The following TK1 variants were observed in gnomAD, a reference collection of about 807,000 sequenced individuals.
TK1 encodes the protein thymidine kinase 1, also known as thymidine kinase, cytosolic.
Under a neutral mutation model 22.4 loss-of-function variants are expected in TK1, and 13 were observed. The observed-to-expected ratio is 0.58, with a 90% CI of 0.38 to 0.92. The LOEUF is 0.92. Ranked by LOEUF, TK1 falls within the 40% of genes least tolerant of loss-of-function variation. The pLI is 0.00. For synonymous variants in TK1, 134 were observed against 125.4 expected (o/e 1.07, Z -0.46); for missense variants, 251 against 315.7 (o/e 0.80, Z 1.55).
At chr17:78,187,063 G>T (rs772481646), upstream of TK1, 5 of 1,513,754 alleles carry the variant, frequency 3.3e-6, no homozygotes, top group East Asian at 2.4e-5. Context: ...CCTGGTTCCC[G>T]CGCCGACCGC....
At chr17:78,185,742 G>A (rs2075782341) in intron 2 of TK1, among the ~76,000 whole-genome samples, 1 of 152,022 alleles carries the variant, frequency 6.6e-6, no homozygotes, top group Admixed American at 6.6e-5. Context: ...GTTGACCAGG[G>A]TGGTCTCAAA....
intron 4 of TK1, among the ~76,000 whole-genome samples, chr17:78,181,842 T>C (rs2075740159): frequency 1.3e-5 from 2 of 151,660 alleles, no homozygotes; most frequent in Admixed American, 1.3e-4. Flanking sequence ...CACTGCAGCC[T>C]CGACCTCCCA....
chr17:78,180,685 G>T (rs1234748555), intron 4 of TK1, among the ~76,000 whole-genome samples: 2 of 152,194 alleles, frequency 1.3e-5, no homozygotes, highest in Non-Finnish European at 2.9e-5. Context: ...TGTAAAAATA[G>T]TCACTGAAAC....
rs557558039 is a variant in TK1 at position 78,186,444 on chromosome 17, G to C, written c.98+343C>G. Among the ~76,000 whole-genome samples, 7 of 152,092 alleles carry C rather than the reference G, an allele frequency of 4.6e-5. No homozygotes were observed. The South Asian group carries it at 1.5e-3, about 32-fold the overall frequency. ...GAATAGGGGTGTACAAAAAGGCCTG[G>C]CCTACAGGGGACACAACTGGTTGCC... On this transcript the variant is annotated intron_variant, in intron 2 of 6. Transcript: ENST00000301634.
At chr17:78,175,751 A>AGGCTCCCCAGGCCG in intron 4 of TK1, 133 bp from the exon 5 acceptor site, 2 of 716,694 alleles carry the variant, frequency 2.8e-6, no homozygotes, top group Non-Finnish European at 4.5e-6. Flanking sequence ...TTCTCCCACG[A>AGGCTCCCCAGGCCG]GGCTCCCCAG....
chr17:78,185,043 G>A lies in TK1; in HGVS notation c.209+12C>T, dbSNP rs1331823212. On this transcript the variant is annotated intron_variant, in intron 3 of 6. Coordinates refer to ENST00000301634, the MANE Select transcript of TK1 (RefSeq NM_003258.5). ...TTTCCACTGGACAGGACTGCAGGGG[G>A]CAGGGACTGACCGGTCATGTGTGCA... 2.1e-5 allele frequency: 33 copies of A among 1,609,310 alleles called. No homozygotes were observed. Among genetic ancestry groups the A allele is most frequent in the Non-Finnish European group, 2.6e-5 (31 of 1,176,220 alleles).
In TK1 at chr17:78,175,589, G is replaced by A; in HGVS notation, c.333C>T (p.Ala111=). The part of the protein sequence containing the change: ...FFPDIVEFCE[A]MANAGKTVIV... The stretch of plus-strand genomic sequence containing the variant: ...TTACGGTCTTCCCGGCGTTGGCCAT[G>A]GCCTCGCAGAACTCCACGATGTCAG... Residue 111 remains alanine (A), a synonymous_variant, in exon 5 of 7, where the codon GCC becomes GCT. Transcript: ENST00000301634. 6.2e-7 allele frequency: 1 copy of A among 1,613,708 alleles called. No homozygotes were observed. Among genetic ancestry groups the A allele is most frequent in the Non-Finnish European group, 8.5e-7 (1 of 1,179,842 alleles).
chr17:78,181,957 A>G (rs1340876602), intron 4 of TK1, among the ~76,000 whole-genome samples: 1 of 151,020 alleles, frequency 6.6e-6, no homozygotes, highest in African/African-American at 2.4e-5. Flanking sequence ...GGGTTTTACT[A>G]TGTTGCCCAG....
chr17:78,176,870 A>G (rs1487615947), intron 4 of TK1, among the ~76,000 whole-genome samples: 1 of 152,008 alleles, frequency 6.6e-6, no homozygotes, highest in African/African-American at 2.4e-5. Context: ...CCCAGCTGCG[A>G]CAAAATTGTT....
intron 4 of TK1, among the ~76,000 whole-genome samples, chr17:78,182,101 T>TGGTA (rs910497349): frequency 3.3e-5 from 5 of 151,930 alleles, no homozygotes; most frequent in Non-Finnish European, 7.4e-5. Context: ...TGGCCAGGTG[T>TGGTA]GGTAGCTCAT....
chr17:78,179,789 G>A (rs901429597), intron 4 of TK1: 1 of 981,324 alleles, frequency 1.0e-6, no homozygotes, highest in Non-Finnish European at 1.2e-6. Flanking sequence ...ACTAAGTGTG[G>A]CCAGGCGTGG....
chr17:78,174,590 G>A lies in TK1; in HGVS notation c.*169C>T. 1.4e-6 allele frequency: 1 copy of A among 715,218 alleles called. No homozygotes were observed. Among genetic ancestry groups the A allele is most frequent in the Non-Finnish European group, 2.3e-6 (1 of 442,362 alleles). 44.3% of individuals were successfully genotyped at this position (715,218 alleles called of 1,614,324 possible). A position where few individuals can be genotyped will look rare whatever the true frequency, so the allele number is the denominator to read the frequency against. On this transcript the variant is annotated 3_prime_UTR_variant, in exon 7 of 7. Coordinates refer to ENST00000301634, the MANE Select transcript of TK1 (RefSeq NM_003258.5). Reference sequence around the variant, plus strand: ...AAGCAGACCAGTGGGTAGGAGAGGAGGGAGCATGCGGCAGGTGGGGCAGCC... The same window carrying A: ...AAGCAGACCAGTGGGTAGGAGAGGAAGGAGCATGCGGCAGGTGGGGCAGCC...
At position 78,187,051 on chromosome 17, in the gene TK1, C is replaced by G. The variant is rs747618818; in HGVS notation, c.-57G>C. 1.3e-6 allele frequency: 2 copies of G among 1,548,268 alleles called. No homozygotes were observed. Among genetic ancestry groups the G allele is most frequent in the Non-Finnish European group, 1.8e-6 (2 of 1,132,458 alleles). On this transcript the variant is annotated 5_prime_UTR_variant, in exon 1 of 7. Coordinates refer to ENST00000301634, the MANE Select transcript of TK1 (RefSeq NM_003258.5). The stretch of plus-strand genomic sequence containing the variant: ...CTCTCCAAGGCCGTCCCGCAGTAAG[C>G]CCCTGGTTCCCGCGCCGACCGCTTT...
chr17:78,183,854 G>A lies in TK1; in HGVS notation c.210-1172C>T, dbSNP rs2075758014. ...CTCCCTAAACAGAGAAAGACAAAGTGAGGGCAGGTGGGAGGCCAGCTGTGG... is the reference window on the plus strand; with the variant it reads ...CTCCCTAAACAGAGAAAGACAAAGTAAGGGCAGGTGGGAGGCCAGCTGTGG... On this transcript the variant is annotated intron_variant, in intron 3 of 6. Transcript: ENST00000301634. The A allele has an allele frequency of 2.6e-5, 4 of 152,390 alleles. No homozygotes were observed. The South Asian group carries it at 8.3e-4, about 32-fold the overall frequency. The allele number at this position is 152,390 out of a possible 1,614,324, so 9.4% of individuals were successfully genotyped here.
intron 3 of TK1, among the ~76,000 whole-genome samples, chr17:78,183,049 A>C (rs2075748902): frequency 6.6e-6 from 1 of 152,104 alleles, no homozygotes; most frequent in Non-Finnish European, 1.5e-5. Flanking sequence ...TTGTATTTTT[A>C]GCAGACATGG....
Position 78,187,041 on chromosome 17 carries a change from C to G in TK1, c.-47G>C, listed in dbSNP as rs754855093. 7.7e-6 allele frequency: 12 copies of G among 1,567,372 alleles called. No individual in the cohort carries two copies. The African/African-American group carries it at 1.6e-4, about 21-fold the overall frequency. Reference sequence around the variant, plus strand: ...AACCCGAGTACTCTCCAAGGCCGTCCCGCAGTAAGCCCCTGGTTCCCGCGC... The same window carrying G: ...AACCCGAGTACTCTCCAAGGCCGTCGCGCAGTAAGCCCCTGGTTCCCGCGC... On this transcript the variant is annotated 5_prime_UTR_variant, in exon 1 of 7. Coordinates refer to ENST00000301634, the MANE Select transcript of TK1 (RefSeq NM_003258.5).
At chr17:78,178,743 C>G (rs1240017209) in intron 4 of TK1, among the ~76,000 whole-genome samples, 1 of 152,200 alleles carries the variant, frequency 6.6e-6, no homozygotes, top group Non-Finnish European at 1.5e-5. Context: ...CTACCGGGTT[C>G]AAGCGATTCT....
At position 78,182,655 on chromosome 17, in the gene TK1, G is replaced by A; in HGVS notation, c.237C>T (p.Cys79=). 1 of 1,592,516 alleles carries A rather than the reference G, an allele frequency of 6.3e-7. No individual in the cohort carries two copies. ...CCTCCTGGGCCACGTCTCGGAGCAG[G>A]CAGGCGGGCAGTGCCTCCATGGTGT... ...DRNTMEALPA[C]LLRDVAQEAL... Residue 79 remains cysteine, a synonymous_variant, in exon 4 of 7, where the codon TGC becomes TGT. Transcript: ENST00000301634.
intron 3 of TK1, 107 bp from the exon 4 acceptor site, chr17:78,182,789 C>G (rs1320824632): frequency 4.0e-6 from 3 of 748,914 alleles, no homozygotes; most frequent in Non-Finnish European, 5.9e-6. Context: ...GCAAAGCAGG[C>G]TCAGTGTTCA....
Sources: allele counts gnomAD v4.1 joint callset (sites outside exome capture counted in the v4.1 genomes callset), GRCh38; gene constraint gnomAD v4.1.1; transcripts MANE v1.5; gene names NCBI Gene and HGNC (gene_info 2026-07-23, HGNC 2026-07-21).